IRAK1BP1: variants seen among roughly 807,000 people sequenced by gnomAD.
IRAK1BP1 encodes interleukin-1 receptor-associated kinase 1-binding protein 1.
Under a neutral mutation model 28.0 loss-of-function variants are expected in IRAK1BP1, and 24 were observed. The observed-to-expected ratio is 0.86, with a 90% CI of 0.62 to 1.20. The LOEUF (loss-of-function observed/expected upper bound fraction) is 1.20. Among genes scored for constraint, IRAK1BP1 ranks in the 50% most tolerant of loss-of-function variants. The probability of loss-of-function intolerance (pLI) is 0.00; values close to 1 mark genes in which losing one functional copy is unlikely to be tolerated. For missense variants in IRAK1BP1, 336 were observed against 316.7 expected (o/e 1.06, Z -0.46); for synonymous variants, 131 against 116.3 (o/e 1.13, Z -0.81).
At chr6:78,925,610 C>A (rs1339274779) in intron 4 of IRAK1BP1, among the ~76,000 whole-genome samples, 1 of 152,078 alleles carries the variant, frequency 6.6e-6, no homozygotes, top group Non-Finnish European at 1.5e-5. Flanking sequence ...TTAGTTCAAC[C>A]CCTGTGGAAA....
At position 78,867,844 on chromosome 6, in the gene IRAK1BP1, C is replaced by T. The variant is rs765641986; in HGVS notation, c.268C>T (p.Arg90Cys). Residue 90 changes from arginine to cysteine, a missense_variant, in exon 1 of 4, where the codon CGC (arginine) becomes TGC (cysteine). Transcript: ENST00000369940. ...AGCCGAGGCCAAAAAGAGCGTTTGT[C>T]GCCGTCTAGATTACATCACGCAGAG... is the stretch of plus-strand genomic sequence containing the variant. The part of the protein sequence containing the change: ...AAAEAKKSVC[R>C]RLDYITQSLQ... The T allele has an allele frequency of 1.2e-6, 2 of 1,609,948 alleles. No homozygotes were observed. The highest frequency in any genetic ancestry group is 2.2e-5 in the South Asian group (2 of 90,494).
the IRAK1BP1 span, chr6:78,958,453 T>A: frequency 1.5e-4 from 199 of 1,331,856 alleles, no homozygotes; most frequent in Non-Finnish European, 2.1e-4. Flanking sequence ...CTATCATAAT[T>A]ACATATGAAA....
downstream of IRAK1BP1, among the ~76,000 whole-genome samples, chr6:78,906,126 A>C (rs954943361): frequency 6.6e-6 from 1 of 152,230 alleles, no homozygotes; most frequent in African/African-American, 2.4e-5. Context: ...AATAAAATAC[A>C]TGAGAAATTT....
the IRAK1BP1 span, among the ~76,000 whole-genome samples, chr6:78,952,617 T>G: frequency 2.0e-5 from 3 of 152,092 alleles, no homozygotes; most frequent in Non-Finnish European, 4.4e-5. Context: ...TATCATTCTG[T>G]GTGGGATTCT....
chr6:78,971,434 T>C, the IRAK1BP1 span, among the ~76,000 whole-genome samples: 1 of 152,336 alleles, frequency 6.6e-6, no homozygotes, highest in African/African-American at 2.4e-5. Flanking sequence ...GAAGAACGTG[T>C]TTTAAAATGC....
the IRAK1BP1 span, chr6:78,961,735 G>A: frequency 3.7e-6 from 6 of 1,612,118 alleles, no homozygotes; most frequent in South Asian, 2.2e-5. Flanking sequence ...ACTTAGATCC[G>A]TTGGATATGC....
At chr6:78,970,761 A>G in the IRAK1BP1 span, 14 of 1,456,252 alleles carry the variant, frequency 9.6e-6, no homozygotes, top group Non-Finnish European at 1.3e-5. Context: ...GGGCTATTAA[A>G]TAATAAATCA....
chr6:78,947,810 T>C (rs372489441), downstream of IRAK1BP1: 10 of 1,490,086 alleles, frequency 6.7e-6, no homozygotes, highest in African/African-American at 1.2e-4. Flanking sequence ...TTATGATTAT[T>C]ACTACACAAA....
intron 1 of IRAK1BP1, 45 bp from the exon 2 acceptor site, chr6:78,885,333 C>G: frequency 9.7e-7 from 1 of 1,034,624 alleles, no homozygotes; most frequent in Non-Finnish European, 1.5e-6. Flanking sequence ...AGAGTAATTG[C>G]ATCAAATATT....
In IRAK1BP1 at chr6:78,901,468, C is replaced by G. The variant is rs1582027407; in HGVS notation, c.*3134C>G. ...ATTTAGGGGACCTGTGCCACAAAGT[C>G]TACTAGAATAAACCTATCCTAAACT... On this transcript the variant is annotated 3_prime_UTR_variant, in exon 4 of 4. Coordinates refer to ENST00000369940, the MANE Select transcript of IRAK1BP1 (RefSeq NM_001010844.4). 6.6e-6 allele frequency: 1 copy of G among 151,564 alleles called. No individual in the cohort carries two copies. The highest frequency in any genetic ancestry group is 1.9e-4 in the East Asian group (1 of 5,174). 9.4% of individuals were successfully genotyped at this position (151,564 alleles called of 1,614,324 possible).
chr6:78,867,939 G>A, intron 1 of IRAK1BP1, 48 bp downstream of exon 1: 1 of 1,486,262 alleles, frequency 6.7e-7, no homozygotes, highest in South Asian at 1.4e-5. Flanking sequence ...ACACAAAAGG[G>A]TTGGCAGATG....
At chr6:78,871,389 A>C in intron 1 of IRAK1BP1, 7 of 985,406 alleles carry the variant, frequency 7.1e-6, no homozygotes, top group Non-Finnish European at 8.4e-6. Context: ...AGACTACTGT[A>C]AGATTCCTTT....
intron 4 of IRAK1BP1, among the ~76,000 whole-genome samples, chr6:78,919,696 G>A (rs1237604126): frequency 6.6e-6 from 1 of 152,068 alleles, no homozygotes; most frequent in African/African-American, 2.4e-5. Context: ...TGAATCAGCA[G>A]TAAGAAAATT....
At chr6:78,895,466 C>G (rs1406997982) in intron 2 of IRAK1BP1, among the ~76,000 whole-genome samples, 1 of 151,974 alleles carries the variant, frequency 6.6e-6, no homozygotes, top group African/African-American at 2.4e-5. Context: ...AAATTTTAGC[C>G]AAATTTAATG....
At chr6:78,887,949 A>T (rs765209097) in intron 2 of IRAK1BP1, among the ~76,000 whole-genome samples, 7 of 152,222 alleles carry the variant, frequency 4.6e-5, no homozygotes, top group Non-Finnish European at 1.0e-4. Flanking sequence ...ATATGGAAGC[A>T]ACCCAAATGT....
intron 2 of IRAK1BP1, among the ~76,000 whole-genome samples, chr6:78,887,786 AC>A (rs35355117): frequency 0.45 from 68,212 of 151,902 alleles, 15,969 homozygotes; most frequent in East Asian, 0.69. Flanking sequence ...ATTATGGAAA[AC>A]AGTATACAGG....
chr6:78,957,544 A>C, the IRAK1BP1 span: 1 of 151,612 alleles, frequency 6.6e-6, no homozygotes, highest in East Asian at 1.9e-4. Flanking sequence ...CTCAAAGATT[A>C]TGTCCATTAA....
intron 1 of IRAK1BP1, among the ~76,000 whole-genome samples, chr6:78,879,430 G>A (rs1562078057): frequency 6.6e-6 from 1 of 152,070 alleles, no homozygotes; most frequent in South Asian, 2.1e-4. Context: ...GTTTTTCAGA[G>A]AGAAAAACAA....
intron 4 of IRAK1BP1, among the ~76,000 whole-genome samples, chr6:78,934,904 T>C (rs997433595): frequency 6.6e-5 from 10 of 152,178 alleles, no homozygotes; most frequent in African/African-American, 1.7e-4. Context: ...AGGTATTTCA[T>C]TGAATGACTT....
Sources: gnomAD v4.1 joint callset for allele counts (sites outside exome capture counted in the v4.1 genomes callset) on GRCh38, gnomAD v4.1.1 for gene constraint, MANE v1.5 for transcripts, NCBI Gene and HGNC (gene_info 2026-07-23, HGNC 2026-07-21) for gene names.